The following KCNC2 variants were observed in gnomAD, a reference collection of about 807,000 sequenced individuals.
The protein encoded by KCNC2 is potassium voltage-gated channel subfamily C member 2, also known as voltage-gated potassium channel KCNC2.
Under a neutral mutation model 44.5 loss-of-function variants are expected in KCNC2, and 21 were observed. That is an observed-to-expected ratio of 0.47 (90% confidence interval 0.33 to 0.68). KCNC2 has a LOEUF of 0.68. Among genes scored for constraint, KCNC2 ranks in the 30% least tolerant of loss-of-function variants. The pLI is 0.01. For synonymous variants in KCNC2, 391 were observed against 339.1 expected (o/e 1.15, Z -1.68); for missense variants, 589 against 826.2 (o/e 0.71, Z 3.52).
chr12:75,106,844 T>G (rs989164006), intron 2 of KCNC2, among the ~76,000 whole-genome samples: 1 of 152,226 alleles, frequency 6.6e-6, no homozygotes, highest in East Asian at 1.9e-4. Flanking sequence ...ATATTCAATT[T>G]CAAAAATATT....
chr12:75,098,511 C>A (rs57147730), intron 2 of KCNC2, among the ~76,000 whole-genome samples: 23,448 of 152,086 alleles, frequency 0.15, 1,987 homozygotes, highest in Middle Eastern at 0.23. Context: ...GTAATCCCAG[C>A]AAATTGGGAG....
intron 2 of KCNC2, among the ~76,000 whole-genome samples, chr12:75,107,838 A>G (rs542436416): frequency 1.3e-5 from 2 of 152,326 alleles, no homozygotes; most frequent in East Asian, 3.9e-4. Flanking sequence ...CCTGATGCAT[A>G]TGAAAATTTG....
intron 2 of KCNC2, among the ~76,000 whole-genome samples, chr12:75,201,394 T>C (rs2031266109): frequency 6.6e-6 from 1 of 150,670 alleles, no homozygotes; most frequent in African/African-American, 2.4e-5. Context: ...CCAGAATCTT[T>C]AGCAATAATT....
intron 2 of KCNC2, among the ~76,000 whole-genome samples, chr12:75,150,628 AC>A (rs1475090649): frequency 6.6e-6 from 1 of 151,920 alleles, no homozygotes; most frequent in Non-Finnish European, 1.5e-5. Flanking sequence ...GACTGTGAGC[AC>A]CATCAAAGCA....
chr12:75,194,698 C>A (rs1256882574), intron 2 of KCNC2, among the ~76,000 whole-genome samples: 1 of 152,072 alleles, frequency 6.6e-6, no homozygotes, highest in Non-Finnish European at 1.5e-5. Flanking sequence ...CCAGGAAGGG[C>A]AAAAACTGTG....
At chr12:75,062,683 T>G (rs1034325849) in intron 2 of KCNC2, among the ~76,000 whole-genome samples, 4 of 152,080 alleles carry the variant, frequency 2.6e-5, no homozygotes, top group African/African-American at 9.7e-5. Context: ...TTTAAATGAT[T>G]GTTTTCATAG....
At chr12:75,071,094 A>G (rs1375821497) in intron 2 of KCNC2, among the ~76,000 whole-genome samples, 2 of 152,138 alleles carry the variant, frequency 1.3e-5, no homozygotes, top group East Asian at 1.9e-4. Flanking sequence ...ACCATTTGCT[A>G]TATGTGTAAT....
At chr12:75,189,306 A>G (rs1463183875) in intron 2 of KCNC2, among the ~76,000 whole-genome samples, 1 of 152,176 alleles carries the variant, frequency 6.6e-6, no homozygotes, top group Non-Finnish European at 1.5e-5. Context: ...CACGTTCTCT[A>G]CAACCAGCGG....
chr12:75,049,841 C>T (rs752052167), intron 3 of KCNC2, among the ~76,000 whole-genome samples: 1 of 152,052 alleles, frequency 6.6e-6, no homozygotes, highest in Admixed American at 6.6e-5. Flanking sequence ...CAGGATATTA[C>T]TAGGGAAGAG....
chr12:75,170,511 C>T (rs1453429979), intron 2 of KCNC2, among the ~76,000 whole-genome samples: 2 of 151,678 alleles, frequency 1.3e-5, no homozygotes, highest in East Asian at 1.9e-4. Flanking sequence ...AACCTGAATA[C>T]CTGAATGTAT....
At chr12:75,203,460 A>G (rs975554244) in intron 2 of KCNC2, among the ~76,000 whole-genome samples, 2 of 151,886 alleles carry the variant, frequency 1.3e-5, no homozygotes, top group African/African-American at 4.8e-5. Flanking sequence ...TCCCTGTATG[A>G]TGCAGAAGGA....
At chr12:75,053,204 GT>G (rs1480817382) in intron 2 of KCNC2, among the ~76,000 whole-genome samples, 1 of 151,964 alleles carries the variant, frequency 6.6e-6, no homozygotes, top group Non-Finnish European at 1.5e-5. Context: ...AGTCATGATT[GT>G]TTCTTATTCT....
chr12:75,154,354 A>T (rs1890615199), intron 2 of KCNC2, among the ~76,000 whole-genome samples: 1 of 152,070 alleles, frequency 6.6e-6, no homozygotes, highest in Non-Finnish European at 1.5e-5. Context: ...CTGGCTTTAT[A>T]GAGTGAGCAG....
intron 2 of KCNC2, among the ~76,000 whole-genome samples, chr12:75,108,210 T>A (rs1388134357): frequency 1.3e-5 from 2 of 152,232 alleles, no homozygotes; most frequent in Non-Finnish European, 2.9e-5. Context: ...ATTAACAGCA[T>A]GAGTTTTTGA....
At chr12:75,189,703 C>T (rs1334552238) in intron 2 of KCNC2, among the ~76,000 whole-genome samples, 1 of 152,116 alleles carries the variant, frequency 6.6e-6, no homozygotes, top group Non-Finnish European at 1.5e-5. Flanking sequence ...TCTTTCATTC[C>T]CTACACCGCA....
intron 2 of KCNC2, among the ~76,000 whole-genome samples, chr12:75,196,353 T>G (rs546641279): frequency 1.3e-5 from 2 of 152,202 alleles, no homozygotes; most frequent in Non-Finnish European, 2.9e-5. Flanking sequence ...ACAGAAAATC[T>G]CAGGGAGAGA....
intron 2 of KCNC2, among the ~76,000 whole-genome samples, chr12:75,092,948 A>T (rs1885611193): frequency 6.6e-6 from 1 of 150,848 alleles, no homozygotes; most frequent in Non-Finnish European, 1.5e-5. Flanking sequence ...ACTAATCTTT[A>T]TCACAGGGAT....
Position 75,207,778 on chromosome 12 carries a change from G to C in KCNC2, c.206C>G (p.Pro69Arg), listed in dbSNP as rs753563125. 2.5e-6 allele frequency: 4 copies of C among 1,585,546 alleles called. No homozygotes were observed. Among genetic ancestry groups the C allele is most frequent in the African/African-American group, 1.4e-5 (1 of 73,524 alleles). ...PPLSPPPRAP[P>R]LSPGPGGCFE... ...GCAGCCGCCTGGCCCGGGGGACAGC[G>C]GGGGCGCTCTCGGCGGCGGCGACAG... The change falls in exon 2 of 5, where the codon CCG (proline) becomes CGG (arginine). Residue 69 changes from proline to arginine, a missense_variant. By Grantham distance (103) the Pro-to-Arg change is moderately radical (BLOSUM62 -2). This residue lies in a region of KCNC2 where 148 missense variants were observed against 140.1 expected (regional missense o/e 1.06). Coordinates refer to ENST00000549446, the MANE Select transcript of KCNC2 (RefSeq NM_139137.4). This position sits in a 1 kb window ranked among gnomAD's most constrained non-coding sequence, Gnocchi z 4.1.
chr12:75,099,074 TA>T (rs981613000), intron 2 of KCNC2, among the ~76,000 whole-genome samples: 2 of 152,152 alleles, frequency 1.3e-5, no homozygotes, highest in East Asian at 1.9e-4. Flanking sequence ...TAATCTTATC[TA>T]AAAACACACA....
Sources: gnomAD v4.1 joint callset for allele counts (sites outside exome capture counted in the v4.1 genomes callset) on GRCh38, gnomAD v4.1.1 for gene constraint, gnomAD v4.1.1 regional missense constraint, Gnocchi (gnomAD v3.1) non-coding constraint, MANE v1.5 for transcripts, NCBI Gene and HGNC (gene_info 2026-07-23, HGNC 2026-07-21) for gene names.